The following GCFC2 variants were observed in gnomAD, a reference collection of about 807,000 sequenced individuals.
GCFC2 encodes the protein intron Large complex component GCFC2.
GCFC2 carries 102 observed loss-of-function variants against 99.4 expected under a neutral mutation model. The ratio of observed to expected loss-of-function variants is 1.03; its 90% CI spans 0.87 to 1.21. The LOEUF is 1.21. Ranked by LOEUF, GCFC2 falls within the 50% of genes most tolerant of loss-of-function variation. The pLI, the probability that GCFC2 is intolerant of heterozygous loss-of-function variation, is 0.00. For synonymous variants in GCFC2, 338 were observed against 316.8 expected (o/e 1.07, Z -0.71); for missense variants, 973 against 920.9 (o/e 1.06, Z -0.73).
At chr2:75,707,114 A>G (rs1489360391) in intron 1 of GCFC2, among the ~76,000 whole-genome samples, 1 of 152,220 alleles carries the variant, frequency 6.6e-6, no homozygotes, top group Non-Finnish European at 1.5e-5. Flanking sequence ...GATAAAGAAC[A>G]CCAACTCGGG....
In GCFC2 at chr2:75,689,022, A is replaced by G. The variant is rs761830746; in HGVS notation, c.1539+4T>C. On this transcript the variant is annotated splice_donor_region_variant and intron_variant, in intron 10 of 16. Transcript: ENST00000321027. ...ATAATTTTTCATATGTTAAGCATAAATACCTTAAGAGGATTCCAATCAATC... is the reference window on the plus strand; with the variant it reads ...ATAATTTTTCATATGTTAAGCATAAGTACCTTAAGAGGATTCCAATCAATC... The G allele has an allele frequency of 9.5e-6, 14 of 1,469,522 alleles. No individual in the cohort carries two copies. The Admixed American group carries it at 2.1e-4, about 22-fold the overall frequency. 91.0% of individuals were successfully genotyped at this position (1,469,522 alleles called of 1,614,324 possible).
chr2:75,694,248 T>C lies in GCFC2; in HGVS notation c.1013A>G (p.Asn338Ser). ...IYVENLIDCLNEKIINIQEIE... is the reference protein window; with the variant it reads ...IYVENLIDCLSEKIINIQEIE... ...ATAAATATTGATATGTACCTTTTCA[T>C]TAAGGCAGTCAATTAAATTTTCCAC... The change falls in exon 6 of 17, where the codon AAT (asparagine) becomes AGT (serine). Residue 338 changes from asparagine (N) to serine (S), a missense_variant. Asn to Ser is a conservative substitution (Grantham distance 46). Coordinates refer to ENST00000321027, the MANE Select transcript of GCFC2 (RefSeq NM_003203.5). 2 of 909,908 alleles carry C rather than the reference T, an allele frequency of 2.2e-6. No individual in the cohort carries two copies. The highest frequency in any genetic ancestry group is 2.1e-5 in the Admixed American group (1 of 48,604). The allele number at this position is 909,908 out of a possible 1,614,324, so 56.4% of individuals were successfully genotyped here. A position where few individuals can be genotyped will look rare whatever the true frequency, so the allele number is the denominator to read the frequency against.
In GCFC2 at chr2:75,687,810, A is replaced by G. The variant is rs1429743595; in HGVS notation, c.1690+17T>C. 6.3e-7 allele frequency: 1 copy of G among 1,578,340 alleles called. No individual in the cohort carries two copies. The highest frequency in any genetic ancestry group is 8.6e-7 in the Non-Finnish European group (1 of 1,161,110). ...GTCAGAAAATAATTTAATTTTACCA[A>G]GGTTACGAAGCAGTACCTGTAAGTC... On this transcript the variant is annotated intron_variant, in intron 11 of 16. Coordinates refer to ENST00000321027, the MANE Select transcript of GCFC2 (RefSeq NM_003203.5).
At chr2:75,710,235 T>A (rs1233787048) in intron 1 of GCFC2, among the ~76,000 whole-genome samples, 1 of 152,250 alleles carries the variant, frequency 6.6e-6, no homozygotes, top group Non-Finnish European at 1.5e-5. Flanking sequence ...TTCTGCCCAC[T>A]TAATAGTATT....
rs757938461 is a variant in GCFC2 at position 75,690,684 on chromosome 2, C to T, written c.1180G>A (p.Val394Ile). ...AAAATCCACTGAGTTTTTTCATCTA[C>T]TGAGAAGTTTCCACTTGTGGATGTC... ...DETSTSGNFS[V>I]DEKTQWILEE... Residue 394 changes from valine to isoleucine, a missense_variant, in exon 8 of 17, where the codon GTA becomes ATA. By Grantham distance (29) the Val-to-Ile change is conservative. Coordinates refer to ENST00000321027, the MANE Select transcript of GCFC2 (RefSeq NM_003203.5). The T allele has an allele frequency of 1.3e-6, 2 of 1,569,274 alleles. No individual in the cohort carries two copies. The highest frequency in any genetic ancestry group is 3.4e-5 in the Admixed American group (2 of 58,266).
chr2:75,668,222 G>C (rs972213843), intron 15 of GCFC2, among the ~76,000 whole-genome samples: 2 of 152,176 alleles, frequency 1.3e-5, no homozygotes, highest in South Asian at 4.1e-4. Flanking sequence ...CAAGACTTTA[G>C]AGAAAGCTTT....
At chr2:75,679,975 A>G in intron 12 of GCFC2, 1 of 475,390 alleles carries the variant, frequency 2.1e-6, no homozygotes, top group East Asian at 3.1e-5. Context: ...TCTTATTATT[A>G]TAAAGATAAA....
At chr2:75,699,629 T>G (rs1452679977) in intron 4 of GCFC2, among the ~76,000 whole-genome samples, 1 of 151,962 alleles carries the variant, frequency 6.6e-6, no homozygotes, top group Non-Finnish European at 1.5e-5. Flanking sequence ...CAGACTGGAG[T>G]GCAGTGGTGT....
intron 2 of GCFC2, among the ~76,000 whole-genome samples, chr2:75,705,339 T>C (rs1680800985): frequency 6.6e-6 from 1 of 152,098 alleles, no homozygotes; most frequent in African/African-American, 2.4e-5. Context: ...AAGAAGCACT[T>C]ATGGCCGGGC....
intron 11 of GCFC2, 72 bp downstream of exon 11, chr2:75,687,755 A>T: frequency 1.7e-6 from 2 of 1,168,146 alleles, no homozygotes; most frequent in Non-Finnish European, 2.5e-6. Context: ...CTTTGTGAAT[A>T]TAACAGAAAT....
chr2:75,709,795 T>G (rs546272029), intron 1 of GCFC2, among the ~76,000 whole-genome samples: 1 of 152,348 alleles, frequency 6.6e-6, no homozygotes, highest in South Asian at 2.1e-4. Flanking sequence ...TGTTGTACAC[T>G]ATAAGTATAT....
Position 75,664,587 on chromosome 2 carries a change from G to T in GCFC2, c.*79C>A. On this transcript the variant is annotated 3_prime_UTR_variant, in exon 17 of 17. Coordinates refer to ENST00000321027, the MANE Select transcript of GCFC2 (RefSeq NM_003203.5). ...CTTCTATTACAGGGAATAAAGAAGA[G>T]AGAGGCACCAGCTTCTTCTCAAACA... 1.5e-6 allele frequency: 1 copy of T among 688,538 alleles called. No individual in the cohort carries two copies. The highest frequency in any genetic ancestry group is 1.7e-5 in the South Asian group (1 of 57,332). 42.7% of individuals were successfully genotyped at this position (688,538 alleles called of 1,614,324 possible). A position where few individuals can be genotyped will look rare whatever the true frequency, so the allele number is the denominator to read the frequency against.
In GCFC2 at chr2:75,690,063, T is replaced by A. The variant is rs766679518; in HGVS notation, c.1245A>T (p.Ala415=). The A allele has an allele frequency of 1.2e-6, 2 of 1,603,422 alleles. No individual in the cohort carries two copies. The highest frequency in any genetic ancestry group is 1.7e-6 in the Non-Finnish European group (2 of 1,172,632). Residue 415 remains alanine, a synonymous_variant, in exon 9 of 17, where the codon GCA becomes GCT. Coordinates refer to ENST00000321027, the MANE Select transcript of GCFC2 (RefSeq NM_003203.5). ...IESRRTKRRQ[A]RVLSGNCNHQ... Reference sequence around the variant, plus strand: ...GGTTACAATTCCCAGAAAGCACCCTTGCTTGTCTTCTTTTTGTCCTATATT... The same window carrying A: ...GGTTACAATTCCCAGAAAGCACCCTAGCTTGTCTTCTTTTTGTCCTATATT...
intron 13 of GCFC2, among the ~76,000 whole-genome samples, chr2:75,673,172 T>C (rs556164425): frequency 2.0e-5 from 3 of 151,896 alleles, no homozygotes; most frequent in East Asian, 1.9e-4. Context: ...TAGCCGGGCG[T>C]GGTGGCGGGC....
intron 12 of GCFC2, among the ~76,000 whole-genome samples, chr2:75,675,177 A>G (rs1341873882): frequency 6.6e-6 from 1 of 152,224 alleles, no homozygotes; most frequent in East Asian, 1.9e-4. Context: ...TGGATGGTAG[A>G]TTAAGTGTTG....
intron 11 of GCFC2, among the ~76,000 whole-genome samples, chr2:75,687,273 T>C (rs921756131): frequency 6.6e-6 from 1 of 151,772 alleles, no homozygotes; most frequent in African/African-American, 2.4e-5. Context: ...AGAAACACAA[T>C]TAGAGAAGTT....
chr2:75,696,270 T>C lies in GCFC2; in HGVS notation c.763A>G (p.Lys255Glu). Reference protein sequence around the residue: ...LSCGNGSSKVKKFDTSISFPP... With the variant: ...LSCGNGSSKVEKFDTSISFPP... Reference sequence around the variant, plus strand: ...AATGAAATGGAAGTATCAAATTTCTTCACTTTTGAAGATCCATTGCCACAG... The same window carrying C: ...AATGAAATGGAAGTATCAAATTTCTCCACTTTTGAAGATCCATTGCCACAG... Residue 255 changes from lysine (K) to glutamate (E), a missense_variant, in exon 5 of 17, where the codon AAG (lysine) becomes GAG (glutamate). Lys to Glu is a moderately conservative substitution (Grantham distance 56). Coordinates refer to ENST00000321027, the MANE Select transcript of GCFC2 (RefSeq NM_003203.5). 6.5e-7 allele frequency: 1 copy of C among 1,527,534 alleles called. No homozygotes were observed. Among genetic ancestry groups the C allele is most frequent in the Non-Finnish European group, 9.1e-7 (1 of 1,102,448 alleles). 94.6% of individuals were successfully genotyped at this position (1,527,534 alleles called of 1,614,324 possible).
intron 10 of GCFC2, 52 bp from the exon 11 acceptor site, chr2:75,688,029 T>G (rs1679897940): frequency 9.2e-7 from 1 of 1,085,310 alleles, no homozygotes; most frequent in South Asian, 1.5e-5. Flanking sequence ...CATTAGTGTA[T>G]TTTTAAATAG....
intron 12 of GCFC2, among the ~76,000 whole-genome samples, chr2:75,677,010 CA>C (rs1558735141): frequency 1.3e-5 from 2 of 152,174 alleles, no homozygotes; most frequent in Non-Finnish European, 2.9e-5. Flanking sequence ...CATAGGTAGC[CA>C]ATGCCCTACT....
Sources: allele counts gnomAD v4.1 joint callset (sites outside exome capture counted in the v4.1 genomes callset), GRCh38; gene constraint gnomAD v4.1.1; transcripts MANE v1.5; gene names NCBI Gene and HGNC (gene_info 2026-07-23, HGNC 2026-07-21).